The following SMARCC1 variants were observed in gnomAD, a reference collection of about 807,000 sequenced individuals.
SMARCC1 encodes the protein SWI/SNF complex subunit SMARCC1.
A neutral mutation model predicts 147.4 loss-of-function variants in SMARCC1; 43 were observed. The ratio of observed to expected loss-of-function variants is 0.29; its 90% CI spans 0.23 to 0.38. The LOEUF (loss-of-function observed/expected upper bound fraction) is 0.38, where lower values mean the gene tolerates loss of function less well. Ranked by LOEUF, SMARCC1 falls within the 10% of genes least tolerant of loss-of-function variation. The pLI, the probability that SMARCC1 is intolerant of heterozygous loss-of-function variation, is 1.00. For missense variants in SMARCC1, 1,119 were observed against 1,381.1 expected (o/e 0.81, Z 3.01); for synonymous variants, 495 against 484.4 (o/e 1.02, Z -0.29).
rs766653707 is a variant in SMARCC1 at position 47,590,739 on chromosome 3, G to A, written c.3142C>T (p.Pro1048Ser). ...AANIHPSGSG[P>S]TPPGMPPMPG... ...ATTGGTGGCATGCCAGGAGGGGTAG[G>A]GCCACTCCCAGAGGGGTGGATGTTG... Residue 1048 changes from proline (P) to serine (S), a missense_variant, in exon 27 of 28, where the codon CCT becomes TCT. This residue lies in a region of SMARCC1 where 186 missense variants were observed against 216.5 expected (regional missense o/e 0.86). Coordinates refer to ENST00000254480, the MANE Select transcript of SMARCC1 (RefSeq NM_003074.4). 1 of 1,602,028 alleles carries A rather than the reference G, an allele frequency of 6.2e-7. No homozygotes were observed. The highest frequency in any genetic ancestry group is 2.3e-5 in the East Asian group (1 of 43,950).
chr3:47,780,140 A>G (rs558376144), intron 1 of SMARCC1, among the ~76,000 whole-genome samples: 1 of 136,972 alleles, frequency 7.3e-6, no homozygotes, highest in South Asian at 2.3e-4. Context: ...GAAAGAAATG[A>G]TCATTTCTGG....
rs1576390273 is a variant in SMARCC1 at position 47,622,419 on chromosome 3, A to G, written c.2647-78T>C. ...ATTAAGAAAATGCTGACAATATTCA[A>G]AGTAGAGATTATATAATTTACAATG... On this transcript the variant is annotated intron_variant, in intron 24 of 27. Coordinates refer to ENST00000254480, the MANE Select transcript of SMARCC1 (RefSeq NM_003074.4). 2.2e-6 allele frequency: 3 copies of G among 1,339,142 alleles called. No homozygotes were observed. In the Admixed American group the frequency reaches 5.4e-5, roughly 24 times the overall value. 83.0% of individuals were successfully genotyped at this position (1,339,142 alleles called of 1,614,324 possible).
Position 47,675,520 on chromosome 3 carries a change from G to C in SMARCC1, c.1794C>G (p.Asn598Lys). The C allele has an allele frequency of 6.2e-7, 1 of 1,612,996 alleles. No homozygotes were observed. The highest frequency in any genetic ancestry group is 1.1e-5 in the South Asian group (1 of 91,074). ...KNKEKPVDLQ[N>K]FGLRTDIYSK... ...AGTAAATGTCAGTACGGAGACCAAA[G>C]TTCTGCAAATCAACTGGTTTTTCCT... The change falls in exon 18 of 28, where the codon AAC becomes AAG. Residue 598 changes from asparagine (N) to lysine (K), a missense_variant. Physicochemically the swap from Asn to Lys is moderately conservative, Grantham distance 94 (BLOSUM62 0). Coordinates refer to ENST00000254480, the MANE Select transcript of SMARCC1 (RefSeq NM_003074.4).
At chr3:47,684,943 C>T (rs1173487901) in intron 14 of SMARCC1, among the ~76,000 whole-genome samples, 1 of 152,080 alleles carries the variant, frequency 6.6e-6, no homozygotes, top group African/African-American at 2.4e-5. Context: ...TAAAAAAGAA[C>T]AAGTATAACA....
intron 26 of SMARCC1, among the ~76,000 whole-genome samples, chr3:47,597,047 C>T (rs371463005): frequency 6.6e-6 from 1 of 151,018 alleles, no homozygotes; most frequent in Non-Finnish European, 1.5e-5. Context: ...CGTGGTGGCA[C>T]GCACCTGTAA....
Position 47,622,253 on chromosome 3 carries a change from C to T in SMARCC1, c.2735G>A (p.Arg912Gln), listed in dbSNP as rs766734543. The part of the protein sequence containing the change: ...TQMKKLEIKL[R>Q]HFEELETIMD... ...GATAGTTTCCAGCTCTTCAAAATGT[C>T]GAAGTTTGATCTCTAGTTTCTTCAT... Residue 912 changes from arginine to glutamine, a missense_variant, in exon 25 of 28, where the codon CGA (arginine) becomes CAA (glutamine). Arg to Gln is a conservative substitution (Grantham distance 43). Coordinates refer to ENST00000254480, the MANE Select transcript of SMARCC1 (RefSeq NM_003074.4). 5 of 1,603,830 alleles carry T rather than the reference C, an allele frequency of 3.1e-6. No individual in the cohort carries two copies. The highest frequency in any genetic ancestry group is 4.2e-6 in the Non-Finnish European group (5 of 1,177,604).
chr3:47,685,889 C>T lies in SMARCC1; in HGVS notation c.1385+160G>A, dbSNP rs112603370. 8.0e-3 allele frequency among the ~76,000 whole-genome samples: 1,222 copies of T among 152,072 alleles called. 10 individuals carry two copies. The highest frequency in any genetic ancestry group is 0.011 in the Non-Finnish European group (753 of 67,968). On this transcript the variant is annotated intron_variant, in intron 14 of 27. Coordinates refer to ENST00000254480, the MANE Select transcript of SMARCC1 (RefSeq NM_003074.4). ...ACAAAACAAACAAACAAACAAAAAA[C>T]ACAAACACATTCCAAAGATAAAAAT...
chr3:47,682,657 AACTC>A, intron 14 of SMARCC1, among the ~76,000 whole-genome samples: 1 of 152,346 alleles, frequency 6.6e-6, no homozygotes, highest in African/African-American at 2.4e-5. Context: ...TTAACAGAAC[AACTC>A]ACTATTTTGG....
intron 8 of SMARCC1, among the ~76,000 whole-genome samples, chr3:47,711,507 AG>A (rs1488308571): frequency 6.6e-6 from 1 of 152,230 alleles, no homozygotes; most frequent in Non-Finnish European, 1.5e-5. Context: ...TTCCTTGTAC[AG>A]AAAAACTCAA....
intron 25 of SMARCC1, among the ~76,000 whole-genome samples, chr3:47,614,159 C>T (rs1483756472): frequency 1.3e-5 from 2 of 152,196 alleles, no homozygotes; most frequent in African/African-American, 4.8e-5. Flanking sequence ...CCAAAACAGA[C>T]ATATCCATCC....
chr3:47,650,314 ATTATTC>A (rs967865073), intron 21 of SMARCC1, among the ~76,000 whole-genome samples: 2 of 147,584 alleles, frequency 1.4e-5, no homozygotes, highest in African/African-American at 4.9e-5. Context: ...TATTATTATT[ATTATTC>A]AAGAAAAAAA....
intron 24 of SMARCC1, among the ~76,000 whole-genome samples, chr3:47,624,466 T>C (rs2032778591): frequency 1.3e-5 from 2 of 152,114 alleles, no homozygotes; most frequent in South Asian, 4.1e-4. Context: ...GCATCAGACT[T>C]CTTAAAAGTA....
At chr3:47,699,641 T>A (rs531207814) in intron 11 of SMARCC1, among the ~76,000 whole-genome samples, 1 of 152,156 alleles carries the variant, frequency 6.6e-6, no homozygotes, top group Admixed American at 6.6e-5. Flanking sequence ...TATACATATG[T>A]ATATTGCCCT....
At chr3:47,701,461 C>G in intron 10 of SMARCC1, 59 bp from the exon 11 acceptor site, 1 of 1,503,246 alleles carries the variant, frequency 6.7e-7, no homozygotes, top group Non-Finnish European at 9.2e-7. Context: ...TGATAGCAAA[C>G]AGTTTCTGAG....
chr3:47,651,777 G>A (rs1354110681), intron 21 of SMARCC1, among the ~76,000 whole-genome samples: 2 of 152,122 alleles, frequency 1.3e-5, no homozygotes, highest in African/African-American at 2.4e-5. Context: ...TTAGATTGCT[G>A]TCCATCTTAC....
chr3:47,675,648 T>C (rs2033559838), intron 17 of SMARCC1, 60 bp from the exon 18 acceptor site: 1 of 948,512 alleles, frequency 1.1e-6, no homozygotes, highest in South Asian at 1.4e-5. Context: ...AGGGTAAATG[T>C]TTTTAAAAAT....
rs543220514 is a variant in SMARCC1 at position 47,618,715 on chromosome 3, G to A, written c.2781+3492C>T. ...GTAGACAGAAGTGGAAAGGGGATGC[G>A]AACTCTGCTATTCTTAGGGGACAGA... is the stretch of plus-strand genomic sequence containing the variant. On this transcript the variant is annotated intron_variant, in intron 25 of 27. Transcript: ENST00000254480. Among the ~76,000 whole-genome samples the A allele has an allele frequency of 4.6e-5, 7 of 152,250 alleles. No individual in the cohort carries two copies. The East Asian group carries it at 1.4e-3, about 29-fold the overall frequency.
rs529272116 is a variant in SMARCC1, at chr3:47,721,395, G to T, written c.647-660C>A. 2.2e-4 allele frequency among the ~76,000 whole-genome samples: 33 copies of T among 152,114 alleles called. No individual in the cohort carries two copies. The South Asian group carries it at 3.7e-3, about 17-fold the overall frequency. ...AGATAAGTGCAAATTATATAATAAAGTGATTCTTAGTATTCTAATCACAGT... is the reference window on the plus strand; with the variant it reads ...AGATAAGTGCAAATTATATAATAAATTGATTCTTAGTATTCTAATCACAGT... On this transcript the variant is annotated intron_variant, in intron 6 of 27. Coordinates refer to ENST00000254480, the MANE Select transcript of SMARCC1 (RefSeq NM_003074.4).
chr3:47,598,084 C>T (rs2032319976), intron 26 of SMARCC1, among the ~76,000 whole-genome samples: 1 of 152,186 alleles, frequency 6.6e-6, no homozygotes, highest in African/African-American at 2.4e-5. Context: ...TAAGGTGGTA[C>T]TGTCCCAGCT....
Sources: allele counts gnomAD v4.1 joint callset (sites outside exome capture counted in the v4.1 genomes callset), GRCh38; gene constraint gnomAD v4.1.1; regional missense constraint gnomAD v4.1.1; transcripts MANE v1.5; gene names NCBI Gene and HGNC (gene_info 2026-07-23, HGNC 2026-07-21).